NCKAP5: variants seen among roughly 807,000 people sequenced by gnomAD.
NCKAP5 encodes the protein NCK associated protein 5.
NCKAP5 carries 92 observed loss-of-function variants against 167.0 expected under a neutral mutation model. The ratio of observed to expected loss-of-function variants is 0.55; its 90% CI spans 0.47 to 0.66. The LOEUF is 0.66. Ranked by LOEUF, NCKAP5 falls within the 30% of genes least tolerant of loss-of-function variation. The pLI, the probability that NCKAP5 is intolerant of heterozygous loss-of-function variation, is 0.00. For synonymous variants in NCKAP5, 891 were observed against 877.4 expected, an observed-to-expected ratio of 1.02 and a Z score of -0.27; for missense variants, 2,378 against 2,315.0, an observed-to-expected ratio of 1.03 and a Z score of -0.56.
At chr2:133,444,405 T>TAGATAG (rs1553641907) in intron 3 of NCKAP5, among the ~76,000 whole-genome samples, 1 of 143,706 alleles carries the variant, frequency 7.0e-6, no homozygotes, top group African/African-American at 2.8e-5. Context: ...GATAGATAGA[T>TAGATAG]AGATATAGAT....
intron 3 of NCKAP5, among the ~76,000 whole-genome samples, chr2:133,331,293 T>C (rs1377975799): frequency 6.6e-6 from 1 of 152,138 alleles, no homozygotes; most frequent in Non-Finnish European, 1.5e-5. Flanking sequence ...TAGCAAACAA[T>C]TGATGGAGTC....
At chr2:133,256,777 C>G (rs2088638654) in intron 4 of NCKAP5, among the ~76,000 whole-genome samples, 1 of 152,162 alleles carries the variant, frequency 6.6e-6, no homozygotes, top group African/African-American at 2.4e-5. Flanking sequence ...ATCTAGCACA[C>G]TAGAGGCCAT....
intron 2 of NCKAP5, 87 bp from the exon 3 acceptor site, chr2:133,517,674 A>C: frequency 2.3e-6 from 1 of 436,300 alleles, no homozygotes; most frequent in Non-Finnish European, 4.0e-6. Context: ...ACAAGCATTG[A>C]AGTCAAAAAA....
intron 8 of NCKAP5, among the ~76,000 whole-genome samples, chr2:132,880,828 C>A (rs769113527): frequency 2.6e-5 from 4 of 152,114 alleles, no homozygotes; most frequent in Non-Finnish European, 5.9e-5. Context: ...AAATTGTTAA[C>A]GTTTTGCCAC....
intron 4 of NCKAP5, among the ~76,000 whole-genome samples, chr2:133,296,033 A>G (rs1004657197): frequency 1.3e-5 from 2 of 152,158 alleles, no homozygotes; most frequent in African/African-American, 4.8e-5. Flanking sequence ...TGCCCTTATA[A>G]CACTAACAAA....
intron 6 of NCKAP5, among the ~76,000 whole-genome samples, chr2:133,032,654 G>A (rs959158650): frequency 6.6e-6 from 1 of 152,162 alleles, no homozygotes; most frequent in Non-Finnish European, 1.5e-5. Flanking sequence ...AGCAGGTCTC[G>A]GGCGAGACCC....
intron 4 of NCKAP5, among the ~76,000 whole-genome samples, chr2:133,243,256 G>A (rs1167875131): frequency 6.6e-6 from 1 of 152,132 alleles, no homozygotes; most frequent in Admixed American, 6.5e-5. Context: ...TTTCCTGTAA[G>A]TCCCTTTTGA....
chr2:133,531,582 G>C (rs1002483762), intron 2 of NCKAP5, among the ~76,000 whole-genome samples: 2 of 151,958 alleles, frequency 1.3e-5, no homozygotes, highest in African/African-American at 2.4e-5. Flanking sequence ...TACAAGTCTT[G>C]TTTCATTTTC....
At chr2:133,164,307 T>C (rs12053035) in intron 5 of NCKAP5, among the ~76,000 whole-genome samples, 20,817 of 152,198 alleles carry the variant, frequency 0.14, 1,625 homozygotes, top group East Asian at 0.39. Flanking sequence ...CAAATATAGA[T>C]TGTAGTCACA....
chr2:133,529,722 T>G (rs1412646765), intron 2 of NCKAP5, among the ~76,000 whole-genome samples: 1 of 152,196 alleles, frequency 6.6e-6, no homozygotes, highest in Non-Finnish European at 1.5e-5. Flanking sequence ...ATCATAAAGC[T>G]TTTACAAATT....
chr2:133,233,935 C>T (rs780726397), intron 4 of NCKAP5, among the ~76,000 whole-genome samples: 1 of 152,190 alleles, frequency 6.6e-6, no homozygotes, highest in Admixed American at 6.5e-5. Context: ...TTTTACTTTG[C>T]TGTGGAAACA....
At chr2:132,751,679 C>G (rs1256925261) in intron 16 of NCKAP5, among the ~76,000 whole-genome samples, 4 of 152,192 alleles carry the variant, frequency 2.6e-5, no homozygotes, top group African/African-American at 9.7e-5. Context: ...GTCCCAATAT[C>G]TGTCTGGATT....
chr2:133,320,846 C>T (rs979987626), intron 3 of NCKAP5, among the ~76,000 whole-genome samples: 4 of 152,174 alleles, frequency 2.6e-5, no homozygotes, highest in South Asian at 2.1e-4. Context: ...TCTGTGATGA[C>T]GCTGGAGAAG....
the NCKAP5 span, among the ~76,000 whole-genome samples, chr2:133,594,585 A>G: frequency 1.3e-5 from 2 of 152,166 alleles, no homozygotes; most frequent in African/African-American, 4.8e-5. Flanking sequence ...CTTAAAAAGA[A>G]TGGGTTTCTA....
At chr2:132,914,569 C>T (rs766354153) in intron 8 of NCKAP5, among the ~76,000 whole-genome samples, 75 of 152,018 alleles carry the variant, frequency 4.9e-4, no homozygotes, top group Non-Finnish European at 8.7e-4. Flanking sequence ...GCAATATAGA[C>T]TCTCTGAAAC....
chr2:133,273,973 CAAA>C (rs397872263), intron 4 of NCKAP5, among the ~76,000 whole-genome samples: 3 of 123,638 alleles, frequency 2.4e-5, no homozygotes, highest in Non-Finnish European at 1.7e-5. Context: ...GTTTGTCTAC[CAAA>C]AAAAAAAAAA....
At chr2:133,514,386 C>T (rs1575087896) in intron 3 of NCKAP5, among the ~76,000 whole-genome samples, 1 of 152,250 alleles carries the variant, frequency 6.6e-6, no homozygotes, top group East Asian at 1.9e-4. Flanking sequence ...TCCCCCATGC[C>T]ACGTGACTAA....
intron 6 of NCKAP5, among the ~76,000 whole-genome samples, chr2:133,064,593 T>C (rs956578888): frequency 6.6e-6 from 1 of 152,182 alleles, no homozygotes; most frequent in Non-Finnish European, 1.5e-5. Flanking sequence ...TTACAAATGT[T>C]GTAAAAAGCC....
chr2:133,228,125 C>A (rs1400713294), intron 4 of NCKAP5, among the ~76,000 whole-genome samples: 1 of 152,152 alleles, frequency 6.6e-6, no homozygotes, highest in African/African-American at 2.4e-5. Flanking sequence ...CAGCTTTGAC[C>A]TGGGAGCAGG....
Sources: allele counts gnomAD v4.1 joint callset (sites outside exome capture counted in the v4.1 genomes callset), GRCh38; gene constraint gnomAD v4.1.1; transcripts MANE v1.5; gene names NCBI Gene and HGNC (gene_info 2026-07-23, HGNC 2026-07-21).